GPHN: variants seen among roughly 807,000 people sequenced by gnomAD.
GPHN encodes the protein gephyrin.
Under a neutral mutation model 95.5 loss-of-function variants are expected in GPHN, and 17 were observed. The observed-to-expected ratio is 0.18, with a 90% CI of 0.12 to 0.27. The LOEUF (loss-of-function observed/expected upper bound fraction) is 0.27, where lower values mean the gene tolerates loss of function less well. Among genes scored for constraint, GPHN ranks in the 10% least tolerant of loss-of-function variants. The pLI is 1.00. For missense variants in GPHN, 660 were observed against 978.1 expected (o/e 0.67, Z 4.34); for synonymous variants, 320 against 322.5 (o/e 0.99, Z 0.08).
At chr14:67,381,154 T>C in the GPHN span, among the ~76,000 whole-genome samples, 1 of 152,220 alleles carries the variant, frequency 6.6e-6, no homozygotes, top group African/African-American at 2.4e-5. Context: ...CATAGGAATC[T>C]TTCTCATTCT....
the GPHN span, among the ~76,000 whole-genome samples, chr14:67,394,936 C>T: frequency 1.3e-5 from 2 of 152,180 alleles, no homozygotes; most frequent in Non-Finnish European, 2.9e-5. Flanking sequence ...CCTCAGGACT[C>T]TGCAGAGAAC....
the GPHN span, among the ~76,000 whole-genome samples, chr14:67,402,109 G>A: frequency 5.3e-5 from 8 of 152,170 alleles, no homozygotes; most frequent in Admixed American, 2.6e-4. Context: ...ACTCCAGCCT[G>A]GGTGACAGAG....
At chr14:67,439,565 C>CTTTTTCTTTCTTTT in the GPHN span, among the ~76,000 whole-genome samples, 7 of 124,548 alleles carry the variant, frequency 5.6e-5, no homozygotes, top group African/African-American at 2.6e-4. Context: ...TTCTTTCTTT[C>CTTTTTCTTTCTTTT]TTTCTTTCTT....
At chr14:66,676,636 C>T (rs553093733) in intron 1 of GPHN, among the ~76,000 whole-genome samples, 31 of 148,030 alleles carry the variant, frequency 2.1e-4, no homozygotes, top group Non-Finnish European at 3.4e-4. Context: ...GAACCATCCT[C>T]GCATACCTGG....
intron 5 of GPHN, among the ~76,000 whole-genome samples, chr14:66,914,839 C>A (rs977863937): frequency 6.6e-6 from 1 of 151,956 alleles, no homozygotes; most frequent in Non-Finnish European, 1.5e-5. Context: ...AACAAAATTC[C>A]TAAGTAAACA....
the GPHN span, chr14:67,695,592 C>T: frequency 1.9e-6 from 3 of 1,577,890 alleles, no homozygotes; most frequent in East Asian, 4.6e-5. Context: ...CGCCCCGCAA[C>T]AAGAATTCTC....
the GPHN span, among the ~76,000 whole-genome samples, chr14:67,248,955 T>C: frequency 6.6e-6 from 1 of 152,016 alleles, no homozygotes; most frequent in East Asian, 1.9e-4. Context: ...CCACCACGCC[T>C]GGCCTACATA....
At chr14:67,439,593 CT>C in the GPHN span, among the ~76,000 whole-genome samples, 17 of 109,850 alleles carry the variant, frequency 1.5e-4, 2 homozygotes, top group African/African-American at 4.7e-4. Context: ...TTCTTTCTTT[CT>C]TCTTTCTTTT....
chr14:67,200,262 A>G, the GPHN span: 2 of 790,142 alleles, frequency 2.5e-6, no homozygotes, highest in Admixed American at 3.2e-5. Context: ...TCTCCCTCCA[A>G]CCAGGCCCAC....
chr14:66,583,553 A>G (rs1454006019), intron 1 of GPHN, among the ~76,000 whole-genome samples: 2 of 151,990 alleles, frequency 1.3e-5, no homozygotes, highest in Admixed American at 6.6e-5. Context: ...ATCTTGAATT[A>G]ATTTTTGTAT....
the GPHN span, among the ~76,000 whole-genome samples, chr14:67,427,269 A>G: frequency 1.3e-5 from 2 of 152,314 alleles, no homozygotes; most frequent in South Asian, 2.1e-4. Flanking sequence ...TGTTGTCGAC[A>G]ATTTTAAGAG....
chr14:67,583,935 C>T, the GPHN span: 3 of 1,611,864 alleles, frequency 1.9e-6, no homozygotes, highest in African/African-American at 1.3e-5. Context: ...GGTCTCAGGC[C>T]TGGAATGAAG....
At chr14:67,422,980 C>T in the GPHN span, among the ~76,000 whole-genome samples, 17 of 151,948 alleles carry the variant, frequency 1.1e-4, no homozygotes, top group African/African-American at 4.1e-4. Flanking sequence ...TACAGGCATG[C>T]GCCACCATGC....
At chr14:66,631,151 C>A (rs145099551) in intron 1 of GPHN, among the ~76,000 whole-genome samples, 1 of 151,890 alleles carries the variant, frequency 6.6e-6, no homozygotes, top group Non-Finnish European at 1.5e-5. Flanking sequence ...TGGGTTCAAG[C>A]GAGTCTTCGT....
chr14:67,684,493 T>C, the GPHN span: 1 of 152,246 alleles, frequency 6.6e-6, no homozygotes, highest in Non-Finnish European at 1.5e-5. Context: ...CAAAATTCTC[T>C]ACATTTAAAT....
intron 8 of GPHN, among the ~76,000 whole-genome samples, chr14:66,962,114 T>C (rs2068994209): frequency 6.6e-6 from 1 of 150,576 alleles, no homozygotes; most frequent in Admixed American, 6.6e-5. Flanking sequence ...TCTTGACCCC[T>C]TGTAATCAGG....
At chr14:67,496,777 C>T in the GPHN span, among the ~76,000 whole-genome samples, 3 of 101,008 alleles carry the variant, frequency 3.0e-5, no homozygotes, top group East Asian at 5.6e-4. Flanking sequence ...CTTCCTCCCT[C>T]CCTCATTTCT....
At chr14:66,981,415 T>C (rs936475101) in intron 9 of GPHN, among the ~76,000 whole-genome samples, 1 of 152,108 alleles carries the variant, frequency 6.6e-6, no homozygotes, top group Non-Finnish European at 1.5e-5. Context: ...ATTCCAAAAG[T>C]ACTTTGTTAT....
chr14:67,113,763 A>G (rs954867398), intron 16 of GPHN, among the ~76,000 whole-genome samples: 1 of 152,198 alleles, frequency 6.6e-6, no homozygotes, highest in Non-Finnish European at 1.5e-5. Flanking sequence ...AAGAGAATTT[A>G]GTCCATCTCT....
Sources: gnomAD v4.1 joint callset for allele counts (sites outside exome capture counted in the v4.1 genomes callset) on GRCh38, gnomAD v4.1.1 for gene constraint, MANE v1.5 for transcripts, NCBI Gene and HGNC (gene_info 2026-07-23, HGNC 2026-07-21) for gene names.